Variants in ANKRD42 observed in about 807,000 individuals in gnomAD.
ANKRD42 encodes ankyrin repeat domain 42, also known as ankyrin repeat domain-containing protein 42.
Under a neutral mutation model 51.5 loss-of-function variants are expected in ANKRD42, and 43 were observed. The ratio of observed to expected loss-of-function variants is 0.83; its 90% CI spans 0.65 to 1.08. ANKRD42 has a LOEUF of 1.08. Among genes scored for constraint, ANKRD42 ranks in the 50% least tolerant of loss-of-function variants. The pLI is 0.00. For synonymous variants in ANKRD42, 203 were observed against 213.0 expected (o/e 0.95, Z 0.41); for missense variants, 608 against 629.3 (o/e 0.97, Z 0.36).
downstream of ANKRD42, among the ~76,000 whole-genome samples, chr11:83,251,158 G>A (rs543126655): frequency 5.9e-5 from 9 of 151,982 alleles, no homozygotes; most frequent in South Asian, 1.2e-3. Flanking sequence ...TTAAGCCTTT[G>A]TTCAATTTGT....
downstream of ANKRD42, chr11:83,261,381 T>G (rs1267394459): frequency 6.6e-6 from 1 of 152,200 alleles, no homozygotes; most frequent in Non-Finnish European, 1.5e-5. Flanking sequence ...ATTTTAAAAT[T>G]TATTGTTTTA....
chr11:83,264,087 C>T (rs1347080447), downstream of ANKRD42, among the ~76,000 whole-genome samples: 4 of 152,090 alleles, frequency 2.6e-5, no homozygotes, highest in African/African-American at 9.7e-5. Context: ...CACAGGGCCA[C>T]CAAGATATGT....
At chr11:83,202,604 G>T (rs12270681) in intron 2 of ANKRD42, among the ~76,000 whole-genome samples, 3,226 of 152,252 alleles carry the variant, frequency 0.021, 90 homozygotes, top group African/African-American at 0.072. Flanking sequence ...TGTTTCATCT[G>T]CCTGTCTCAT....
intron 1 of ANKRD42, among the ~76,000 whole-genome samples, chr11:83,196,208 C>T (rs1268389912): frequency 6.6e-6 from 1 of 152,162 alleles, no homozygotes; most frequent in East Asian, 1.9e-4. Context: ...CTGAATTTAG[C>T]CTTGTAAACT....
intron 6 of ANKRD42, among the ~76,000 whole-genome samples, chr11:83,227,465 C>T (rs1172473195): frequency 8.1e-6 from 1 of 123,258 alleles, no homozygotes; most frequent in Admixed American, 7.4e-5. Flanking sequence ...TGACCATCCC[C>T]TGTGTTTTGT....
chr11:83,235,498 G>A (rs1301411996), intron 7 of ANKRD42, among the ~76,000 whole-genome samples: 2 of 152,196 alleles, frequency 1.3e-5, no homozygotes, highest in African/African-American at 4.8e-5. Context: ...GCTAGTAAGA[G>A]CAGAGCTAAG....
chr11:83,216,476 C>T (rs1419469773), intron 5 of ANKRD42, among the ~76,000 whole-genome samples: 2 of 152,120 alleles, frequency 1.3e-5, no homozygotes, highest in Non-Finnish European at 2.9e-5. Context: ...AGGCGCCCGC[C>T]ACCTCGCCCG....
At chr11:83,197,780 G>T (rs569508038) in intron 1 of ANKRD42, among the ~76,000 whole-genome samples, 1 of 152,216 alleles carries the variant, frequency 6.6e-6, no homozygotes, top group African/African-American at 2.4e-5. Context: ...ATTAAAAATC[G>T]TGGCCTGCCA....
chr11:83,260,442 T>C (rs551718843), downstream of ANKRD42: 64 of 152,294 alleles, frequency 4.2e-4, no homozygotes, highest in African/African-American at 1.4e-3. Context: ...TCTTAGGCAA[T>C]AGAGATAAAA....
intron 2 of ANKRD42, among the ~76,000 whole-genome samples, chr11:83,205,614 A>G (rs778745884): frequency 2.6e-5 from 4 of 152,238 alleles, no homozygotes; most frequent in Non-Finnish European, 5.9e-5. Flanking sequence ...TAGAATCACT[A>G]GAATAACAAT....
downstream of ANKRD42, chr11:83,259,653 G>A (rs1863844006): frequency 6.6e-6 from 1 of 152,118 alleles, no homozygotes; most frequent in Non-Finnish European, 1.5e-5. Flanking sequence ...TAAAACTATT[G>A]GAGAAGTTTT....
intron 5 of ANKRD42, among the ~76,000 whole-genome samples, chr11:83,218,272 T>C (rs1472380764): frequency 6.6e-6 from 1 of 152,208 alleles, no homozygotes; most frequent in Non-Finnish European, 1.5e-5. Flanking sequence ...CTAATCTCCA[T>C]GATTTGAGTC....
At chr11:83,241,762 G>C (rs981246634) in intron 9 of ANKRD42, among the ~76,000 whole-genome samples, 3 of 152,206 alleles carry the variant, frequency 2.0e-5, no homozygotes, top group Non-Finnish European at 4.4e-5. Flanking sequence ...AATAGCCATT[G>C]TTGGGATTCA....
intron 10 of ANKRD42, among the ~76,000 whole-genome samples, chr11:83,246,368 C>T (rs1351847241): frequency 6.6e-6 from 1 of 152,074 alleles, no homozygotes; most frequent in Non-Finnish European, 1.5e-5. Flanking sequence ...TGTACTATAC[C>T]ATTTTAATGT....
At chr11:83,231,064 G>A (rs1863055858) in intron 7 of ANKRD42, among the ~76,000 whole-genome samples, 1 of 152,034 alleles carries the variant, frequency 6.6e-6, no homozygotes, top group Non-Finnish European at 1.5e-5. Context: ...CTTTCTTTTG[G>A]GCATATACCC....
intron 7 of ANKRD42, among the ~76,000 whole-genome samples, chr11:83,233,165 T>C (rs1863130056): frequency 6.6e-6 from 1 of 152,078 alleles, no homozygotes; most frequent in Admixed American, 6.5e-5. Context: ...GTATTAGTTC[T>C]TCTTTAAATG....
chr11:83,203,944 CTCTCTTT>C (rs1371156744), intron 2 of ANKRD42, among the ~76,000 whole-genome samples: 1 of 152,006 alleles, frequency 6.6e-6, no homozygotes, highest in African/African-American at 2.4e-5. Context: ...CTTCTCTCTT[CTCTCTTT>C]TCTCTTTTCA....
chr11:83,219,921 TC>T (rs1196951717), intron 5 of ANKRD42, among the ~76,000 whole-genome samples: 2 of 152,192 alleles, frequency 1.3e-5, no homozygotes, highest in Non-Finnish European at 2.9e-5. Context: ...ACAGGGATCT[TC>T]CAGGTGCCAC....
At chr11:83,222,337 G>A (rs571806285) in intron 5 of ANKRD42, among the ~76,000 whole-genome samples, 12 of 152,210 alleles carry the variant, frequency 7.9e-5, no homozygotes, top group African/African-American at 2.9e-4. Flanking sequence ...TAGTTATTTG[G>A]GGTGCTGGAG....
Sources: allele counts gnomAD v4.1 joint callset (sites outside exome capture counted in the v4.1 genomes callset), GRCh38; gene constraint gnomAD v4.1.1; transcripts MANE v1.5; gene names NCBI Gene and HGNC (gene_info 2026-07-23, HGNC 2026-07-21).